The following AOC2 variants were observed in gnomAD, a reference collection of about 807,000 sequenced individuals.
AOC2 encodes the protein amine oxidase [copper-containing] 2.
In AOC2, 57 loss-of-function variants were observed where a neutral mutation model predicts 53.8. The observed-to-expected ratio is 1.06, with a 90% CI of 0.86 to 1.32. The LOEUF is 1.32. Ranked by LOEUF, AOC2 falls within the 40% of genes most tolerant of loss-of-function variation. The pLI is 0.00. For synonymous variants in AOC2, 404 were observed against 399.0 expected, an observed-to-expected ratio of 1.01 and a Z score of -0.15; for missense variants, 1,008 against 957.2, an observed-to-expected ratio of 1.05 and a Z score of -0.70.
rs757339040 is a variant in AOC2, at chr17:42,846,084, G to T, written c.1458G>T (p.Thr486=). Reference sequence around the variant, plus strand: ...CACTTGAAGGGCGGGTCCATGCCACGGGTTATATCAACACAGCTTTCCTGA... The same window carrying T: ...CACTTGAAGGGCGGGTCCATGCCACTGGTTATATCAACACAGCTTTCCTGA... ...NGALEGRVHA[T]GYINTAFLKG... Residue 486 remains threonine (T), a synonymous_variant, in exon 1 of 4, where the codon ACG becomes ACT. Transcript: ENST00000253799. 5 of 1,604,400 alleles carry T rather than the reference G, an allele frequency of 3.1e-6. No individual in the cohort carries two copies. The South Asian group carries it at 3.3e-5, about 11-fold the overall frequency.
At position 42,845,389 on chromosome 17, in the gene AOC2, G is replaced by C; in HGVS notation, c.763G>C (p.Val255Leu). 2 of 1,614,200 alleles carry C rather than the reference G, an allele frequency of 1.2e-6. No homozygotes were observed. The highest frequency in any genetic ancestry group is 4.5e-5 in the East Asian group (2 of 44,882). The stretch of plus-strand genomic sequence containing the variant: ...GGCCCTGGACCCTGCCCACTGGACT[G>C]TCCAGCAGGTCTTCTACCTTGGGCA... ...HRALDPAHWT[V>L]QQVFYLGHYY... The change falls in exon 1 of 4, where the codon GTC becomes CTC. Residue 255 changes from valine (V) to leucine (L), a missense_variant. Coordinates refer to ENST00000253799, the MANE Select transcript of AOC2 (RefSeq NM_009590.4).
intron 1 of AOC2, among the ~76,000 whole-genome samples, chr17:42,846,694 A>G (rs1567685915): frequency 6.6e-6 from 1 of 152,170 alleles, no homozygotes; most frequent in Non-Finnish European, 1.5e-5. Flanking sequence ...AGAGGGTAGC[A>G]AAGCTGGGGT....
In AOC2 at chr17:42,846,116, G is replaced by T. The variant is rs2055597406; in HGVS notation, c.1490G>T (p.Gly497Val). ...GYINTAFLKG[G>V]EEGLLFGNRV... is the part of the protein sequence containing the mutation. ...ATCAACACAGCTTTCCTGAAAGGGG[G>T]AGAGGAGGGCCTCCTCTTTGGGAAC... The change falls in exon 1 of 4, where the codon GGA becomes GTA. Residue 497 changes from glycine (G) to valine (V), a missense_variant. Coordinates refer to ENST00000253799, the MANE Select transcript of AOC2 (RefSeq NM_009590.4). The T allele has an allele frequency of 1.9e-6, 3 of 1,587,114 alleles. No homozygotes were observed. Among genetic ancestry groups the T allele is most frequent in the Non-Finnish European group, 2.6e-6 (3 of 1,163,872 alleles).
In AOC2 at chr17:42,849,610, TGTG is replaced by T. The variant is rs549657379; in HGVS notation, c.1888_1890del (p.Val630del). The T allele has an allele frequency of 2.8e-4, 456 of 1,614,206 alleles. No homozygotes were observed. In the African/African-American group the frequency reaches 5.7e-3, roughly 20 times the overall value. Reference sequence around the variant, plus strand: ...TATGATTCCTGGCCAGATACCAGCTTGTGGTGACCCAGAGAAAGGAGGAGGAGT... The same window carrying T: ...TATGATTCCTGGCCAGATACCAGCTTGTGACCCAGAGAAAGGAGGAGGAGT... On this transcript the variant is annotated inframe_deletion, in exon 3 of 4. Coordinates refer to ENST00000253799, the MANE Select transcript of AOC2 (RefSeq NM_009590.4).
intron 1 of AOC2, among the ~76,000 whole-genome samples, chr17:42,848,097 G>A (rs1371501949): frequency 7.7e-6 from 1 of 129,074 alleles, no homozygotes; most frequent in African/African-American, 3.4e-5. Context: ...TTTTTAAGAG[G>A]CAGTGTTTCA....
Position 42,849,118 on chromosome 17 carries a change from G to T in AOC2, c.1621G>T (p.Val541Leu), listed in dbSNP as rs746525146. 4 of 1,611,770 alleles carry T rather than the reference G, an allele frequency of 2.5e-6. No homozygotes were observed. The highest frequency in any genetic ancestry group is 1.1e-5 in the South Asian group (1 of 91,016). ...LKNWVVAEDV[V>L]FKPVAAPWNP... ...AAACTGGGTGGTAGCTGAAGACGTG[G>T]TGTTTAAACCTGTGGCTGCCCCCTG... Residue 541 changes from valine (V) to leucine (L), a missense_variant, in exon 2 of 4, where the codon GTG (valine) becomes TTG (leucine). Transcript: ENST00000253799.
intron 1 of AOC2, among the ~76,000 whole-genome samples, chr17:42,847,119 G>T (rs1051651228): frequency 2.6e-5 from 4 of 152,266 alleles, no homozygotes; most frequent in African/African-American, 9.6e-5. Context: ...GTTCGCAGTG[G>T]TGTGGAGGGT....
chr17:42,846,250 G>GT, intron 1 of AOC2, 36 bp downstream of exon 1: 1 of 1,498,770 alleles, frequency 6.7e-7, no homozygotes, highest in Non-Finnish European at 8.9e-7. Context: ...AGACTTGGGG[G>GT]CGGGGTCAGG....
chr17:42,850,283 G>A lies in AOC2; in HGVS notation c.2206G>A (p.Ala736Thr). ...DAGLCSINPV[A>T]CLPDLAACVP... ...TGGGCTCTGCAGCATCAATCCTGTG[G>A]CCTGCCTCCCCGACCTGGCAGCCTG... Residue 736 changes from alanine (A) to threonine (T), a missense_variant, in exon 4 of 4, where the codon GCC becomes ACC. Physicochemically the swap from Ala to Thr is moderately conservative, Grantham distance 58. Transcript: ENST00000253799. The A allele has an allele frequency of 6.2e-7, 1 of 1,613,806 alleles. No individual in the cohort carries two copies. Among genetic ancestry groups the A allele is most frequent in the African/African-American group, 1.3e-5 (1 of 75,030 alleles).
chr17:42,846,620 G>C (rs1182656932), intron 1 of AOC2, among the ~76,000 whole-genome samples: 1 of 152,108 alleles, frequency 6.6e-6, no homozygotes, highest in Non-Finnish European at 1.5e-5. Context: ...AGGGTCCTGA[G>C]CCGAGGTCGG....
rs145007333 is a variant in AOC2 at position 42,845,120 on chromosome 17, G to T, written c.494G>T (p.Arg165Leu). 1.2e-5 allele frequency: 20 copies of T among 1,613,600 alleles called. No individual in the cohort carries two copies. The highest frequency in any genetic ancestry group is 1.5e-5 in the Non-Finnish European group (18 of 1,180,024). Reference protein sequence around the residue: ...RHGGPLPYHRRPVLRAEFTQM... With the variant: ...RHGGPLPYHRLPVLRAEFTQM... ...GGCGGGCCCCTGCCCTATCACCGTC[G>T]CCCGGTGCTGAGAGCTGAGTTTACA... The change falls in exon 1 of 4, where the codon CGC becomes CTC. Residue 165 changes from arginine (R) to leucine (L), a missense_variant. Coordinates refer to ENST00000253799, the MANE Select transcript of AOC2 (RefSeq NM_009590.4).
At position 42,844,739 on chromosome 17, in the gene AOC2, C is replaced by G. The variant is rs1406258748; in HGVS notation, c.113C>G (p.Pro38Arg). ...PGGSSQPPHC[P>R]SVSHRAQPWP... ...GGTTCCAGCCAGCCTCCCCACTGCCCCTCTGTATCCCATAGGGCCCAGCCC... is the reference window on the plus strand; with the variant it reads ...GGTTCCAGCCAGCCTCCCCACTGCCGCTCTGTATCCCATAGGGCCCAGCCC... Residue 38 changes from proline (P) to arginine (R), a missense_variant, in exon 1 of 4, where the codon CCC becomes CGC. Coordinates refer to ENST00000253799, the MANE Select transcript of AOC2 (RefSeq NM_009590.4). 1.2e-6 allele frequency: 2 copies of G among 1,614,120 alleles called. No homozygotes were observed. The highest frequency in any genetic ancestry group is 1.7e-6 in the Non-Finnish European group (2 of 1,180,050).
chr17:42,849,330 A>G lies in AOC2; in HGVS notation c.1833A>G (p.Ile611Met), dbSNP rs779675729. The change falls in exon 2 of 4, where the codon ATA becomes ATG. Residue 611 changes from isoleucine to methionine, a missense_variant. By Grantham distance (10) the Ile-to-Met change is conservative. Coordinates refer to ENST00000253799, the MANE Select transcript of AOC2 (RefSeq NM_009590.4). ...IQIHSPLGIH[I>M]PLESDMERAL... ...TCCACAGCCCCCTTGGCATACACAT[A>G]CCCCTGGAGAGTGACATGGAGAGGG... 12 of 1,613,548 alleles carry G rather than the reference A, an allele frequency of 7.4e-6. No homozygotes were observed. Among genetic ancestry groups the G allele is most frequent in the Middle Eastern group, 1.6e-4 (1 of 6,082 alleles).
In AOC2 at chr17:42,846,127, C is replaced by A; in HGVS notation, c.1501C>A (p.Leu501Ile). 1.3e-6 allele frequency: 2 copies of A among 1,578,052 alleles called. No homozygotes were observed. The highest frequency in any genetic ancestry group is 1.7e-6 in the Non-Finnish European group (2 of 1,160,132). The change falls in exon 1 of 4, where the codon CTC becomes ATC. Residue 501 changes from leucine to isoleucine, a missense_variant. Coordinates refer to ENST00000253799, the MANE Select transcript of AOC2 (RefSeq NM_009590.4). ...TTTCCTGAAAGGGGGAGAGGAGGGC[C>A]TCCTCTTTGGGAACCGTGTGGGGGA... ...TAFLKGGEEG[L>I]LFGNRVGERV...
At chr17:42,847,965 A>T (rs769422706) in intron 1 of AOC2, among the ~76,000 whole-genome samples, 6 of 147,864 alleles carry the variant, frequency 4.1e-5, no homozygotes, top group Admixed American at 6.8e-5. Context: ...TTAAGTAGAG[A>T]TGGGGTTTCA....
In AOC2 at chr17:42,850,204, G is replaced by A. The variant is rs368198240; in HGVS notation, c.2127G>A (p.Glu709=). The A allele has an allele frequency of 2.0e-5, 32 of 1,614,150 alleles. No homozygotes were observed. In the Middle Eastern group the frequency reaches 6.6e-4, roughly 33 times the overall value. The change falls in exon 4 of 4, where the codon GAG becomes GAA. Residue 709 remains glutamate, a synonymous_variant. Transcript: ENST00000253799. ...TCCGACCCTATAACTTCTTTGATGA[G>A]GACCCCTCCATCTTCTCCCCTGGCA... is the stretch of plus-strand genomic sequence containing the variant. ...FLLRPYNFFD[E]DPSIFSPGSV...
intron 3 of AOC2, 41 bp downstream of exon 3, chr17:42,849,771 C>T (rs1242662368): frequency 2.5e-6 from 4 of 1,612,810 alleles, no homozygotes; most frequent in Non-Finnish European, 3.4e-6. Context: ...CACCTGTGGG[C>T]ATGGCATCTT....
At chr17:42,847,500 C>A (rs898980392) in intron 1 of AOC2, among the ~76,000 whole-genome samples, 17 of 152,228 alleles carry the variant, frequency 1.1e-4, no homozygotes, top group African/African-American at 4.1e-4. Flanking sequence ...TTCCAAGGAA[C>A]TCCCAGACAA....
intron 1 of AOC2, 30 bp downstream of exon 1, chr17:42,846,244 T>G: frequency 1.3e-6 from 2 of 1,483,692 alleles, no homozygotes; most frequent in Non-Finnish European, 1.8e-6. Context: ...GGATGGAGAC[T>G]TGGGGGCGGG....
Sources: gnomAD v4.1 joint callset for allele counts (sites outside exome capture counted in the v4.1 genomes callset) on GRCh38, gnomAD v4.1.1 for gene constraint, MANE v1.5 for transcripts, NCBI Gene and HGNC (gene_info 2026-07-23, HGNC 2026-07-21) for gene names.